Variants in COLEC11 observed in about 807,000 individuals in gnomAD.
COLEC11 encodes the protein collectin subfamily member 11, also known as collectin-11.
A neutral mutation model predicts 27.3 loss-of-function variants in COLEC11; 20 were observed. The ratio of observed to expected loss-of-function variants is 0.73; its 90% CI spans 0.51 to 1.06. The LOEUF (loss-of-function observed/expected upper bound fraction) is 1.06, where lower values mean the gene tolerates loss of function less well. Ranked by LOEUF, COLEC11 falls within the 50% of genes least tolerant of loss-of-function variation. The pLI is 0.00. For missense variants in COLEC11, 310 were observed against 383.0 expected, an observed-to-expected ratio of 0.81 and a Z score of 1.59; for synonymous variants, 163 against 154.7, an observed-to-expected ratio of 1.05 and a Z score of -0.40.
chr2:3,599,692 G>A (rs950114219), intron 1 of COLEC11, among the ~76,000 whole-genome samples: 2 of 152,208 alleles, frequency 1.3e-5, no homozygotes, highest in African/African-American at 4.8e-5. Flanking sequence ...CTGCCCTCAG[G>A]ATGCCAAGTC....
chr2:3,644,237 T>C lies in COLEC11; in HGVS notation c.*119T>C, dbSNP rs759311267. 5.5e-6 allele frequency: 7 copies of C among 1,265,024 alleles called. No individual in the cohort carries two copies. The East Asian group carries it at 7.1e-5, about 13-fold the overall frequency. The allele number at this position is 1,265,024 out of a possible 1,614,324, so 78.4% of individuals were successfully genotyped here. ...CCCTCTGTGAAGGGTGGAGGCTCAC[T>C]GAGTAGAGGGCTGTTGTCTAAACTG... On this transcript the variant is annotated 3_prime_UTR_variant, in exon 7 of 7. Transcript: ENST00000349077.
rs112999974 is a variant in COLEC11 at position 3,644,176 on chromosome 2, A to G, written c.*58A>G. ...ACATGTCCCTGCAGGGTTGGCAGGG[A>G]CAGAGCCCAGACCATGGTGCCAGCC... On this transcript the variant is annotated 3_prime_UTR_variant, in exon 7 of 7. Coordinates refer to ENST00000349077, the MANE Select transcript of COLEC11 (RefSeq NM_024027.5). 6.3e-7 allele frequency: 1 copy of G among 1,595,812 alleles called. No individual in the cohort carries two copies. The highest frequency in any genetic ancestry group is 8.5e-7 in the Non-Finnish European group (1 of 1,177,038).
chr2:3,618,348 T>C (rs1414622045), intron 3 of COLEC11, among the ~76,000 whole-genome samples: 1 of 152,268 alleles, frequency 6.6e-6, no homozygotes, highest in Admixed American at 6.5e-5. Flanking sequence ...TTAAGTCTTC[T>C]ATTTTGAGCT....
At chr2:3,638,390 A>C (rs1389831837) in intron 4 of COLEC11, among the ~76,000 whole-genome samples, 1 of 152,180 alleles carries the variant, frequency 6.6e-6, no homozygotes, top group Non-Finnish European at 1.5e-5. Flanking sequence ...GGACTCATGA[A>C]GTCTCCTTGG....
intron 3 of COLEC11, among the ~76,000 whole-genome samples, chr2:3,634,993 C>A (rs1466438188): frequency 1.3e-5 from 2 of 151,878 alleles, no homozygotes; most frequent in East Asian, 3.9e-4. Flanking sequence ...CCCAGCTCCT[C>A]TTCCTCACGT....
intron 2 of COLEC11, chr2:3,605,028 G>A (rs2147856706): frequency 2.1e-6 from 1 of 470,886 alleles, no homozygotes; most frequent in East Asian, 7.0e-5. Flanking sequence ...CTGCAGGTGA[G>A]GCATGGGTGA....
intron 5 of COLEC11, among the ~76,000 whole-genome samples, chr2:3,642,232 G>T (rs985573385): frequency 6.6e-6 from 1 of 152,232 alleles, no homozygotes; most frequent in African/African-American, 2.4e-5. Flanking sequence ...CAGACTGTCT[G>T]CCTGGGCCCA....
At chr2:3,614,202 C>T (rs1165086972) in intron 3 of COLEC11, among the ~76,000 whole-genome samples, 1 of 151,892 alleles carries the variant, frequency 6.6e-6, no homozygotes, top group East Asian at 1.9e-4. Flanking sequence ...GTCTCGAACT[C>T]CTGGCCTCAA....
At chr2:3,638,693 C>A (rs887836227) in intron 4 of COLEC11, among the ~76,000 whole-genome samples, 1 of 152,136 alleles carries the variant, frequency 6.6e-6, no homozygotes, top group Non-Finnish European at 1.5e-5. Flanking sequence ...CTGCGGGCCT[C>A]CCCTGGAAAA....
chr2:3,628,086 C>A (rs144033846), intron 3 of COLEC11, among the ~76,000 whole-genome samples: 1 of 152,230 alleles, frequency 6.6e-6, no homozygotes, highest in Non-Finnish European at 1.5e-5. Flanking sequence ...CTCATCCTTG[C>A]GTCTTCAGGT....
At chr2:3,643,664 CTG>C (rs1039550235) in intron 6 of COLEC11, 61 bp from the exon 7 acceptor site, 1 of 1,610,846 alleles carries the variant, frequency 6.2e-7, no homozygotes, top group African/African-American at 1.3e-5. Flanking sequence ...CTGCCTGTGG[CTG>C]TGCCTTAAGT....
intron 2 of COLEC11, 134 bp from the exon 3 acceptor site, chr2:3,613,175 GGA>G (rs1663363167): frequency 1.1e-6 from 1 of 878,300 alleles, no homozygotes; most frequent in African/African-American, 1.8e-5. Context: ...AGGCGGGGAG[GGA>G]GGTAGGGAGA....
At chr2:3,643,390 T>C (rs778489957) in intron 5 of COLEC11, 54 bp from the exon 6 acceptor site, 4 of 1,455,286 alleles carry the variant, frequency 2.7e-6, no homozygotes, top group Non-Finnish European at 3.9e-6. Flanking sequence ...TCGCCTCTCT[T>C]CTGAGTCCGA....
rs1205924076 is a variant in COLEC11 at position 3,602,776 on chromosome 2, G to C, written c.-26-1539G>C. 6.6e-6 allele frequency among the ~76,000 whole-genome samples: 1 copy of C among 152,124 alleles called. No homozygotes were observed. ...AGCCCACCTCTCCCCGCACTGTCCG[G>C]CATGCACTGCCTCAAGGCTTTCTCT... On this transcript the variant is annotated intron_variant, in intron 1 of 6. Coordinates refer to ENST00000349077, the MANE Select transcript of COLEC11 (RefSeq NM_024027.5). This position sits in a 1 kb window ranked among gnomAD's most constrained non-coding sequence, Gnocchi z 6.2.
intron 1 of COLEC11, chr2:3,603,867 C>A: frequency 1.7e-6 from 1 of 604,490 alleles, no homozygotes; most frequent in Non-Finnish European, 2.9e-6. Context: ...TGAATGGAGC[C>A]GCTAAGCTTG....
chr2:3,607,451 T>C (rs11679139), intron 2 of COLEC11, among the ~76,000 whole-genome samples: 18,180 of 135,702 alleles, frequency 0.13, 1,492 homozygotes, highest in Non-Finnish European at 0.16. Context: ...TTTTTTTGCT[T>C]TTTTTTTTTT....
At chr2:3,605,232 G>A (rs1662552845) in intron 2 of COLEC11, 12 of 404,900 alleles carry the variant, frequency 3.0e-5, no homozygotes, top group South Asian at 2.2e-4. Flanking sequence ...GTGTCGGGTG[G>A]CAGGGCCGGG....
chr2:3,641,429 G>A (rs1162862036), intron 5 of COLEC11: 2 of 1,285,612 alleles, frequency 1.6e-6, no homozygotes, highest in South Asian at 2.5e-5. Context: ...AGAAGGACCT[G>A]GAGGCAGGTG....
intron 3 of COLEC11, among the ~76,000 whole-genome samples, chr2:3,625,710 A>G (rs1664504518): frequency 7.8e-6 from 1 of 128,712 alleles, no homozygotes. Context: ...TTGGCTCACT[A>G]CAACCTCTGC....
Sources: gnomAD v4.1 joint callset for allele counts (sites outside exome capture counted in the v4.1 genomes callset) on GRCh38, gnomAD v4.1.1 for gene constraint, Gnocchi (gnomAD v3.1) non-coding constraint, MANE v1.5 for transcripts, NCBI Gene and HGNC (gene_info 2026-07-23, HGNC 2026-07-21) for gene names.